Variants in CDH23 observed in about 807,000 individuals in gnomAD.
The protein encoded by CDH23 is cadherin related 23, also known as cadherin-23.
CDH23 carries 189 observed loss-of-function variants against 317.1 expected under a neutral mutation model. The observed-to-expected ratio is 0.60, with a 90% CI of 0.53 to 0.67. CDH23 has a LOEUF of 0.67. CDH23 is among the 30% of genes least tolerant of loss of function. The pLI is 0.00. For synonymous variants in CDH23, 1,839 were observed against 1,876.8 expected (o/e 0.98, Z 0.52); for missense variants, 4,401 against 4,592.4 (o/e 0.96, Z 1.20).
chr10:71,664,857 T>C (rs1863821307), intron 14 of CDH23, among the ~76,000 whole-genome samples: 1 of 149,896 alleles, frequency 6.7e-6, no homozygotes, highest in South Asian at 2.2e-4. Flanking sequence ...TCCTCCTCCC[T>C]TGATCACTTC....
chr10:71,630,455 C>T (rs886564366), intron 11 of CDH23, among the ~76,000 whole-genome samples: 1 of 152,116 alleles, frequency 6.6e-6, no homozygotes, highest in Non-Finnish European at 1.5e-5. Flanking sequence ...AGCGGTCAGC[C>T]GCTGGATCTG....
chr10:71,800,879 A>T, intron 53 of CDH23, 124 bp downstream of exon 53: 1 of 1,333,130 alleles, frequency 7.5e-7, no homozygotes, highest in Non-Finnish European at 1.0e-6. Context: ...TTTGAGACAC[A>T]GTGACAGAAA....
intron 9 of CDH23, among the ~76,000 whole-genome samples, chr10:71,612,989 C>T (rs972618815): frequency 4.6e-5 from 7 of 152,334 alleles, no homozygotes; most frequent in African/African-American, 1.7e-4. Context: ...GCTGGAATTA[C>T]AGGCATGCGC....
At chr10:71,398,041 C>A (rs559572565) in intron 1 of CDH23, among the ~76,000 whole-genome samples, 1 of 152,220 alleles carries the variant, frequency 6.6e-6, no homozygotes. Flanking sequence ...TCATCTCCAC[C>A]GTAGGTCAGC....
At position 71,648,296 on chromosome 10, in the gene CDH23, C is replaced by G. The variant is rs568044416; in HGVS notation, c.1449+1679C>G. Reference sequence around the variant, plus strand: ...AGAGAGCAAGTGCCAGAGGCTCTGGCCTTCTGGACCCAAAGTGTGTGTCTT... The same window carrying G: ...AGAGAGCAAGTGCCAGAGGCTCTGGGCTTCTGGACCCAAAGTGTGTGTCTT... On this transcript the variant is annotated intron_variant, in intron 14 of 69. Transcript: ENST00000224721. Among the ~76,000 whole-genome samples the G allele has an allele frequency of 5.3e-5, 8 of 152,298 alleles. No homozygotes were observed. In the South Asian group the frequency reaches 1.7e-3, roughly 32 times the overall value.
rs72642227 is a variant in CDH23, at chr10:71,433,651, G to A, written c.-5-6176G>A. Among the ~76,000 whole-genome samples, 825 of 151,592 alleles carry A rather than the reference G, an allele frequency of 5.4e-3. 5 individuals are homozygous for A. Among genetic ancestry groups the A allele is most frequent in the Non-Finnish European group, 9.3e-3 (631 of 67,822 alleles). On this transcript the variant is annotated intron_variant, in intron 1 of 69. Transcript: ENST00000224721. ...CTCGCCATGTCTCAAATGAACTTCC[G>A]ATCTTGTCCCTCAGCCAGCTCCACC...
At chr10:71,497,934 G>A (rs1245451179) in intron 3 of CDH23, among the ~76,000 whole-genome samples, 1 of 152,120 alleles carries the variant, frequency 6.6e-6, no homozygotes, top group Non-Finnish European at 1.5e-5. Context: ...TGTGTCACTG[G>A]CAGATCACAC....
At chr10:71,682,073 C>A (rs1307403622) in intron 17 of CDH23, among the ~76,000 whole-genome samples, 1 of 152,178 alleles carries the variant, frequency 6.6e-6, no homozygotes, top group Non-Finnish European at 1.5e-5. Context: ...GACAGACAAG[C>A]AGACAGGAGC....
intron 18 of CDH23, among the ~76,000 whole-genome samples, chr10:71,685,299 T>A (rs530251961): frequency 6.6e-6 from 1 of 152,282 alleles, no homozygotes; most frequent in Admixed American, 6.5e-5. Context: ...AGCAAGGCCT[T>A]CAGAGACCCA....
intron 11 of CDH23, among the ~76,000 whole-genome samples, chr10:71,629,009 A>T (rs1177127946): frequency 6.6e-6 from 1 of 152,248 alleles, no homozygotes; most frequent in Non-Finnish European, 1.5e-5. Context: ...GTGGCTAGCG[A>T]AGCACACAGG....
At chr10:71,674,654 A>T (rs1864282380) in intron 14 of CDH23, among the ~76,000 whole-genome samples, 1 of 152,206 alleles carries the variant, frequency 6.6e-6, no homozygotes, top group Non-Finnish European at 1.5e-5. Context: ...TCCAATTTAC[A>T]GATGGGGAAA....
chr10:71,693,277 CT>C (rs58326810), intron 20 of CDH23, among the ~76,000 whole-genome samples: 22,175 of 148,052 alleles, frequency 0.15, 1,841 homozygotes, highest in East Asian at 0.31. Context: ...TGGCAAATGC[CT>C]TTTTTTTTTT....
intron 3 of CDH23, among the ~76,000 whole-genome samples, chr10:71,466,897 C>T (rs993482374): frequency 2.0e-5 from 3 of 151,978 alleles, no homozygotes; most frequent in African/African-American, 7.3e-5. Flanking sequence ...TGTGTGTGCA[C>T]GTGCATATAT....
chr10:71,731,092 C>T (rs1036045440), intron 31 of CDH23, among the ~76,000 whole-genome samples: 3 of 152,268 alleles, frequency 2.0e-5, no homozygotes, highest in South Asian at 2.1e-4. Context: ...CAGCCTGAAC[C>T]TTGCTGAGGG....
At chr10:71,812,155 T>C (rs1308921379) in intron 66 of CDH23, 140 bp downstream of exon 66, 5 of 1,588,290 alleles carry the variant, frequency 3.1e-6, no homozygotes, top group South Asian at 2.2e-5. Context: ...CACCCTCCCT[T>C]CACCCTCCCT....
chr10:71,790,459 G>A lies in CDH23; in HGVS notation c.6049+46G>A, dbSNP rs756417991. 1.1e-5 allele frequency: 18 copies of A among 1,600,942 alleles called. No individual in the cohort carries two copies. The East Asian group carries it at 3.1e-4, about 28-fold the overall frequency. On this transcript the variant is annotated intron_variant, in intron 46 of 69. Coordinates refer to ENST00000224721, the MANE Select transcript of CDH23 (RefSeq NM_022124.6). ...AGCACTCCCAGCCTGATTCTGGGGTGGGGATGGCCACACTGCTGGATTGAG... is the reference window on the plus strand; with the variant it reads ...AGCACTCCCAGCCTGATTCTGGGGTAGGGATGGCCACACTGCTGGATTGAG...
chr10:71,695,850 C>T (rs538318920), intron 22 of CDH23, among the ~76,000 whole-genome samples: 105 of 152,292 alleles, frequency 6.9e-4, no homozygotes, highest in Non-Finnish European at 1.3e-3. Flanking sequence ...GGACTCTGGC[C>T]ACCCCCTCTG....
chr10:71,692,311 AGCTCCACCTGGG>A (rs1865214429), intron 20 of CDH23, among the ~76,000 whole-genome samples: 1 of 152,074 alleles, frequency 6.6e-6, no homozygotes, highest in African/African-American at 2.4e-5. Flanking sequence ...TCGGGGCTCC[AGCTCCACCTGGG>A]GCCTTTAATG....
chr10:71,566,974 C>T (rs1317751973), intron 7 of CDH23, 38 bp downstream of exon 7: 1 of 1,590,046 alleles, frequency 6.3e-7, no homozygotes, highest in Non-Finnish European at 8.6e-7. Flanking sequence ...GTCCCAGCTG[C>T]CTCTTCCCAC....
Sources: allele counts gnomAD v4.1 joint callset (sites outside exome capture counted in the v4.1 genomes callset), GRCh38; gene constraint gnomAD v4.1.1; transcripts MANE v1.5; gene names NCBI Gene and HGNC (gene_info 2026-07-23, HGNC 2026-07-21).